Variants in WDR59 observed in about 807,000 individuals in gnomAD.
WDR59 encodes the protein WD repeat domain 59.
Under a neutral mutation model 131.2 loss-of-function variants are expected in WDR59, and 100 were observed. The ratio of observed to expected loss-of-function variants is 0.76; its 90% CI spans 0.65 to 0.90. WDR59 has a LOEUF of 0.90. Among genes scored for constraint, WDR59 ranks in the 40% least tolerant of loss-of-function variants. The pLI is 0.00. For missense variants in WDR59, 1,203 were observed against 1,262.2 expected (o/e 0.95, Z 0.71); for synonymous variants, 601 against 466.2 (o/e 1.29, Z -3.72).
At chr16:74,983,244 AG>A (rs1009176019) in intron 1 of WDR59, among the ~76,000 whole-genome samples, 1 of 152,030 alleles carries the variant, frequency 6.6e-6, no homozygotes, top group Non-Finnish European at 1.5e-5. Context: ...AGGCCAAGGC[AG>A]ATGGATCACT....
Position 74,872,216 on chromosome 16 carries a change from A to G in WDR59, c.*1993T>C, listed in dbSNP as rs8049101. 85,172 of 151,990 alleles carry G rather than the reference A, an allele frequency of 0.56. 24,234 individuals are homozygous for G. Among genetic ancestry groups the G allele is most frequent in the East Asian group, 0.66 (3,428 of 5,172 alleles). 9.4% of individuals were successfully genotyped at this position (151,990 alleles called of 1,614,324 possible). A position where few individuals can be genotyped will look rare whatever the true frequency, so the allele number is the denominator to read the frequency against. On this transcript the variant is annotated 3_prime_UTR_variant, in exon 26 of 26. Coordinates refer to ENST00000262144, the MANE Select transcript of WDR59 (RefSeq NM_030581.4). The stretch of plus-strand genomic sequence containing the variant: ...ACTAGATCAATGTCACAATCCACTA[A>G]TGGGTCCTGACCTGGAGTTTGAAAC...
intron 8 of WDR59, among the ~76,000 whole-genome samples, chr16:74,928,723 G>A (rs534326060): frequency 6.6e-6 from 1 of 152,126 alleles, no homozygotes; most frequent in South Asian, 2.1e-4. Flanking sequence ...TCACCATGGC[G>A]AAACCCTGTC....
At chr16:74,907,467 G>A (rs745736052) in intron 17 of WDR59, among the ~76,000 whole-genome samples, 5 of 152,032 alleles carry the variant, frequency 3.3e-5, no homozygotes, top group South Asian at 2.1e-4. Context: ...ACTCTCTTTC[G>A]CCTGCCGCCA....
intron 4 of WDR59, among the ~76,000 whole-genome samples, chr16:74,951,050 T>C (rs2032965404): frequency 6.6e-6 from 1 of 150,514 alleles, no homozygotes; most frequent in Admixed American, 6.7e-5. Context: ...ATCCCAGCTA[T>C]TCTGGAGGCT....
At chr16:74,973,703 AAC>A (rs531149555) in intron 1 of WDR59, among the ~76,000 whole-genome samples, 93 of 152,314 alleles carry the variant, frequency 6.1e-4, no homozygotes, top group South Asian at 6.0e-3. Context: ...TTTAAATGAG[AAC>A]ATTCTTTGAA....
chr16:74,948,554 T>C lies in WDR59; in HGVS notation c.410A>G (p.Asp137Gly). Residue 137 changes from aspartate to glycine, a missense_variant and splice_region_variant, in exon 6 of 26, where the codon GAC becomes GGC. By Grantham distance (94) the Asp-to-Gly change is moderately conservative (BLOSUM62 -1). Coordinates refer to ENST00000262144, the MANE Select transcript of WDR59 (RefSeq NM_030581.4). ...CAGTGCAACAGTAGGTTTCCTTGTGTCTCTGAAATATAAAAATAAAAAATC... is the reference window on the plus strand; with the variant it reads ...CAGTGCAACAGTAGGTTTCCTTGTGCCTCTGAAATATAAAAATAAAAAATC... ...DTYIYIWDIK[D>G]TRKPTVALSA... is the part of the protein sequence containing the mutation. 6.2e-7 allele frequency: 1 copy of C among 1,613,122 alleles called. No individual in the cohort carries two copies. The highest frequency in any genetic ancestry group is 1.3e-5 in the African/African-American group (1 of 75,000).
In WDR59 at chr16:74,885,658, C is replaced by T; in HGVS notation, c.2684G>A (p.Gly895Glu). 6.2e-7 allele frequency: 1 copy of T among 1,613,748 alleles called. No individual in the cohort carries two copies. The highest frequency in any genetic ancestry group is 8.5e-7 in the Non-Finnish European group (1 of 1,179,914). ...AGAGAGAAATTCATACTCACCGATC[C>T]CTTTGTGAGGGTCAGGAGGACAGGA... ...FVSCPPDPHK[G>E]IEFGVYCSHC... is the part of the protein sequence containing the mutation. Residue 895 changes from glycine (G) to glutamate (E), a missense_variant, in exon 25 of 26, where the codon GGG (glycine) becomes GAG (glutamate). Coordinates refer to ENST00000262144, the MANE Select transcript of WDR59 (RefSeq NM_030581.4).
chr16:74,928,260 C>G lies in WDR59; in HGVS notation c.652-4257G>C, dbSNP rs375304441. ...ACAGAATCTCACTTTGCAGCCCAGG[C>G]TGAAGTATAGTGACAGGATTATGGC... On this transcript the variant is annotated intron_variant, in intron 8 of 25. Transcript: ENST00000262144. Among the ~76,000 whole-genome samples the G allele has an allele frequency of 1.8e-4, 25 of 141,570 alleles. 2 individuals carry two copies. Among genetic ancestry groups the G allele is most frequent in the South Asian group, 1.1e-3 (5 of 4,404 alleles). 92.9% of individuals were successfully genotyped at this position (141,570 alleles called of 152,430 possible). A position where few individuals can be genotyped will look rare whatever the true frequency, so the allele number is the denominator to read the frequency against.
chr16:74,951,450 G>T lies in WDR59; in HGVS notation c.326+8C>A, dbSNP rs905932761. On this transcript the variant is annotated splice_region_variant and intron_variant, in intron 4 of 25. Coordinates refer to ENST00000262144, the MANE Select transcript of WDR59 (RefSeq NM_030581.4). The stretch of plus-strand genomic sequence containing the variant: ...ACAGCCAAAGAGCTGTGGAGGGCTG[G>T]TGCCTACCTGATGACACGAGTGTGG... 1 of 1,590,454 alleles carries T rather than the reference G, an allele frequency of 6.3e-7. No homozygotes were observed. The highest frequency in any genetic ancestry group is 8.6e-7 in the Non-Finnish European group (1 of 1,168,416).
At chr16:74,952,703 C>T (rs1258814279) in intron 3 of WDR59, among the ~76,000 whole-genome samples, 2 of 151,276 alleles carry the variant, frequency 1.3e-5, no homozygotes, top group African/African-American at 4.8e-5. Context: ...ATGAAACACA[C>T]TGAAAGTGAT....
At chr16:74,907,939 C>G (rs1196215921) in intron 17 of WDR59, among the ~76,000 whole-genome samples, 2 of 152,104 alleles carry the variant, frequency 1.3e-5, no homozygotes, top group South Asian at 2.1e-4. Flanking sequence ...ATGACAGGGC[C>G]AAAATCTGGA....
chr16:74,891,579 T>C (rs1257989375), intron 20 of WDR59, among the ~76,000 whole-genome samples: 1 of 152,242 alleles, frequency 6.6e-6, no homozygotes, highest in East Asian at 1.9e-4. Flanking sequence ...CTCTTGCATT[T>C]ACTTCTGCAA....
intron 1 of WDR59, among the ~76,000 whole-genome samples, chr16:74,980,479 G>C (rs1310264695): frequency 6.8e-6 from 1 of 147,600 alleles, no homozygotes; most frequent in Non-Finnish European, 1.5e-5. Context: ...TCAGCCTCCC[G>C]AGTAGGTGGA....
chr16:74,894,575 G>A (rs1459193100), intron 18 of WDR59, among the ~76,000 whole-genome samples: 1 of 152,084 alleles, frequency 6.6e-6, no homozygotes, highest in Non-Finnish European at 1.5e-5. Context: ...CAAGGAGCAG[G>A]ATTCCATTTT....
intron 13 of WDR59, among the ~76,000 whole-genome samples, chr16:74,912,954 G>A (rs1377329844): frequency 6.6e-6 from 1 of 152,048 alleles, no homozygotes. Context: ...GGTGTTCCTT[G>A]CCCTCATTCC....
chr16:74,916,240 A>C lies in WDR59; in HGVS notation c.986T>G (p.Leu329Ter). The C allele has an allele frequency of 6.2e-7, 1 of 1,614,024 alleles. No individual in the cohort carries two copies. Among genetic ancestry groups the C allele is most frequent in the Admixed American group, 1.7e-5 (1 of 60,014 alleles). Residue 329 changes from leucine to a stop codon, truncating the protein, a stop_gained, in exon 12 of 26, where the codon TTA becomes TGA. Transcript: ENST00000262144. LOFTEE classifies it high-confidence loss of function. ...QMQRLCANDI[L>*]DGVDEFIESI... ...CTCAATGAACTCATCAACACCATCT[A>C]ATATGTCATTTGCACAAAGCTGCAA... is the stretch of plus-strand genomic sequence containing the variant.
chr16:74,899,358 T>C (rs796879050), intron 18 of WDR59, among the ~76,000 whole-genome samples: 13 of 152,186 alleles, frequency 8.5e-5, no homozygotes, highest in African/African-American at 2.4e-4. Flanking sequence ...AGGTAGGCTT[T>C]TGAAAGCTCC....
rs557108833 is a variant in WDR59 at position 74,962,033 on chromosome 16, T to G, written c.104+3740A>C. ...GGCTAGCCAGTTCTTCCAGCACCAC[T>G]TGTTAAACAGGGAATCCTTTCCCCA... On this transcript the variant is annotated intron_variant, in intron 2 of 25. Coordinates refer to ENST00000262144, the MANE Select transcript of WDR59 (RefSeq NM_030581.4). Among the ~76,000 whole-genome samples, 3 of 152,346 alleles carry G rather than the reference T, an allele frequency of 2.0e-5. No individual in the cohort carries two copies. The East Asian group carries it at 5.8e-4, about 29-fold the overall frequency.
At chr16:74,889,238 A>G (rs1288893157) in intron 21 of WDR59, among the ~76,000 whole-genome samples, 2 of 152,202 alleles carry the variant, frequency 1.3e-5, no homozygotes, top group Non-Finnish European at 2.9e-5. Flanking sequence ...CTAGTTTTCC[A>G]TATGTCAGTG....
Sources: gnomAD v4.1 joint callset for allele counts (sites outside exome capture counted in the v4.1 genomes callset) on GRCh38, gnomAD v4.1.1 for gene constraint, MANE v1.5 for transcripts, NCBI Gene and HGNC (gene_info 2026-07-23, HGNC 2026-07-21) for gene names.